PGGT1B: variants seen among roughly 807,000 people sequenced by gnomAD.
The protein encoded by PGGT1B is geranylgeranyl transferase type-1 subunit beta.
PGGT1B carries 30 observed loss-of-function variants against 46.1 expected under a neutral mutation model. The observed-to-expected ratio is 0.65, with a 90% CI of 0.49 to 0.88. The LOEUF (loss-of-function observed/expected upper bound fraction) is 0.88. Among genes scored for constraint, PGGT1B ranks in the 40% least tolerant of loss-of-function variants. The probability of loss-of-function intolerance (pLI) is 0.00; values close to 1 mark genes in which losing one functional copy is unlikely to be tolerated. For synonymous variants in PGGT1B, 170 were observed against 160.0 expected (o/e 1.06, Z -0.47); for missense variants, 376 against 455.9 (o/e 0.82, Z 1.60).
chr5:115,230,925 T>C, intron 6 of PGGT1B, 51 bp downstream of exon 6: 1 of 1,107,260 alleles, frequency 9.0e-7, no homozygotes, highest in Non-Finnish European at 1.4e-6. Flanking sequence ...ACCAAGATGT[T>C]GTCTAAGGGA....
rs563146314 is a variant in PGGT1B at position 115,235,156 on chromosome 5, T to C, written c.612+1234A>G. On this transcript the variant is annotated intron_variant, in intron 5 of 8. Transcript: ENST00000419445. ...CATGTCAAAAGGGCATAGAGCCTAC[T>C]AAAAGGGGTTCCACAGGCCTAATCT... is the stretch of plus-strand genomic sequence containing the variant. Among the ~76,000 whole-genome samples, 4 of 152,154 alleles carry C rather than the reference T, an allele frequency of 2.6e-5. No homozygotes were observed. The East Asian group carries it at 7.7e-4, about 29-fold the overall frequency.
At chr5:115,224,748 C>T (rs1381836816) in intron 6 of PGGT1B, among the ~76,000 whole-genome samples, 1 of 151,322 alleles carries the variant, frequency 6.6e-6, no homozygotes, top group East Asian at 1.9e-4. Context: ...GTGGTGTGCA[C>T]CTGTGGTCCT....
At chr5:115,220,344 A>C (rs563268187) in intron 7 of PGGT1B, among the ~76,000 whole-genome samples, 21 of 152,060 alleles carry the variant, frequency 1.4e-4, no homozygotes, top group African/African-American at 5.1e-4. Context: ...GAAATAAGCC[A>C]GAAACAGAAG....
intron 5 of PGGT1B, 22 bp downstream of exon 5, chr5:115,236,368 C>A: frequency 6.3e-7 from 1 of 1,579,662 alleles, no homozygotes; most frequent in Non-Finnish European, 8.6e-7. Context: ...CCTAAATAGT[C>A]AATTTTATCA....
At chr5:115,262,433 A>C (rs1198362072) in intron 1 of PGGT1B, 2 of 458,430 alleles carry the variant, frequency 4.4e-6, no homozygotes, top group Middle Eastern at 5.9e-4. Flanking sequence ...GTGACAGGCT[A>C]TGGGAGCGGG....
At chr5:115,254,372 C>T (rs186496263) in intron 1 of PGGT1B, among the ~76,000 whole-genome samples, 508 of 152,054 alleles carry the variant, frequency 3.3e-3, no homozygotes, top group Admixed American at 8.0e-3. Context: ...ATATGAAATT[C>T]ATTTAAATTT....
chr5:115,251,628 T>C (rs2127027709), intron 2 of PGGT1B, among the ~76,000 whole-genome samples: 1 of 152,218 alleles, frequency 6.6e-6, no homozygotes, highest in Non-Finnish European at 1.5e-5. Flanking sequence ...TTAAATGTTA[T>C]GGTCCATCCT....
At chr5:115,252,412 T>C (rs973904501) in intron 2 of PGGT1B, among the ~76,000 whole-genome samples, 22 of 152,114 alleles carry the variant, frequency 1.4e-4, no homozygotes, top group Admixed American at 7.2e-4. Context: ...CTGGATGAGA[T>C]TTACATATGA....
Position 115,241,589 on chromosome 5 carries a change from A to G in PGGT1B, c.277T>C (p.Cys93Arg). ...AGGTATGAAGAGCCTCGGAAACCACAGCGATTTAGATTTGATCCTAGAAAA... is the reference window on the plus strand; with the variant it reads ...AGGTATGAAGAGCCTCGGAAACCACGGCGATTTAGATTTGATCCTAGAAAA... Reference protein sequence around the residue: ...PTEDRSNLNRCGFRGSSYLGI... With the variant: ...PTEDRSNLNRRGFRGSSYLGI... The change falls in exon 3 of 9, where the codon TGT (cysteine) becomes CGT (arginine). Residue 93 changes from cysteine to arginine, a missense_variant. Physicochemically the swap from Cys to Arg is radical, Grantham distance 180 (BLOSUM62 -3). Coordinates refer to ENST00000419445, the MANE Select transcript of PGGT1B (RefSeq NM_005023.4). The G allele has an allele frequency of 6.2e-7, 1 of 1,608,696 alleles. No homozygotes were observed. Among genetic ancestry groups the G allele is most frequent in the Non-Finnish European group, 8.5e-7 (1 of 1,177,086 alleles).
chr5:115,212,078 TATA>T lies in PGGT1B; in HGVS notation c.*321_*323del, dbSNP rs984754451. ...TAAACTTGAAAATTTGTGTCCATTT[TATA>T]ATAAGATACAATTTGCACTGAAGAG... is the stretch of plus-strand genomic sequence containing the variant. On this transcript the variant is annotated 3_prime_UTR_variant, in exon 9 of 9. Transcript: ENST00000419445. 45 of 216,884 alleles carry T rather than the reference TATA, an allele frequency of 2.1e-4. No homozygotes were observed. The highest frequency in any genetic ancestry group is 5.7e-4 in the Admixed American group (11 of 19,206). The allele number at this position is 216,884 out of a possible 1,614,324, so 13.4% of individuals were successfully genotyped here.
At chr5:115,241,642 CT>C in intron 2 of PGGT1B, 36 bp from the exon 3 acceptor site, 1 of 1,493,502 alleles carries the variant, frequency 6.7e-7, no homozygotes, top group Non-Finnish European at 9.2e-7. Context: ...TTAAAGTACA[CT>C]TTATTTTTGC....
intron 6 of PGGT1B, among the ~76,000 whole-genome samples, chr5:115,226,443 T>A (rs753782668): frequency 1.1e-4 from 16 of 152,072 alleles, no homozygotes; most frequent in Non-Finnish European, 2.1e-4. Context: ...TCACTACATT[T>A]GATGATCACA....
chr5:115,256,075 C>G (rs1327548497), intron 1 of PGGT1B, among the ~76,000 whole-genome samples: 1 of 152,148 alleles, frequency 6.6e-6, no homozygotes, highest in Non-Finnish European at 1.5e-5. Flanking sequence ...AATGTGCAGG[C>G]AGGTTTCAGA....
At chr5:115,261,260 G>C (rs572890177) in intron 1 of PGGT1B, among the ~76,000 whole-genome samples, 37 of 152,208 alleles carry the variant, frequency 2.4e-4, no homozygotes, top group Non-Finnish European at 4.1e-4. Context: ...TCTGCTAATC[G>C]ATCAACACCT....
Position 115,210,350 on chromosome 5 carries a change from C to T in PGGT1B, c.*2052G>A, listed in dbSNP as rs1580737567. ...AAATATTGCTTATAATTTATTTAAT[C>T]GATAAATGCTTTTCTTGTAAATAAC... On this transcript the variant is annotated 3_prime_UTR_variant, in exon 9 of 9. Transcript: ENST00000419445. The T allele has an allele frequency of 2.0e-5, 3 of 151,956 alleles. No individual in the cohort carries two copies. Among genetic ancestry groups the T allele is most frequent in the East Asian group, 1.9e-4 (1 of 5,192 alleles). 9.4% of individuals were successfully genotyped at this position (151,956 alleles called of 1,614,324 possible). A position where few individuals can be genotyped will look rare whatever the true frequency, so the allele number is the denominator to read the frequency against.
chr5:115,233,063 C>G (rs1757047006), intron 5 of PGGT1B, among the ~76,000 whole-genome samples: 1 of 151,794 alleles, frequency 6.6e-6, no homozygotes, highest in African/African-American at 2.4e-5. Flanking sequence ...GAATTCTTAT[C>G]AGAAAAAATA....
At chr5:115,213,080 A>G (rs891673781) in intron 8 of PGGT1B, among the ~76,000 whole-genome samples, 1 of 152,194 alleles carries the variant, frequency 6.6e-6, no homozygotes, top group African/African-American at 2.4e-5. Flanking sequence ...CTATCCTAAC[A>G]TTGTGTTAAA....
rs972878588 is a variant in PGGT1B at position 115,204,710 on chromosome 5, G to C, written c.*7692C>G. ...GGCAGTAACTACCAATATTTTTAAA[G>C]CATAAATCCTTTAGTCCAGGAAATT... On this transcript the variant is annotated 3_prime_UTR_variant, in exon 9 of 9. Transcript: ENST00000419445. 2.0e-5 allele frequency: 3 copies of C among 152,068 alleles called. No homozygotes were observed. Among genetic ancestry groups the C allele is most frequent in the African/African-American group, 7.2e-5 (3 of 41,406 alleles). 9.4% of individuals were successfully genotyped at this position (152,068 alleles called of 1,614,324 possible).
Position 115,209,096 on chromosome 5 carries a change from A to G in PGGT1B, c.*3306T>C, listed in dbSNP as rs1426335726. ...ATGACTTCACAGCCTTAGAGCTCCC[A>G]TTTTCACAGTGATTTAAAAGAATAT... On this transcript the variant is annotated 3_prime_UTR_variant, in exon 9 of 9. Transcript: ENST00000419445. 3.9e-5 allele frequency: 6 copies of G among 151,922 alleles called. No individual in the cohort carries two copies. Among genetic ancestry groups the G allele is most frequent in the Admixed American group, 6.6e-5 (1 of 15,202 alleles). 9.4% of individuals were successfully genotyped at this position (151,922 alleles called of 1,614,324 possible).
Sources: allele counts gnomAD v4.1 joint callset (sites outside exome capture counted in the v4.1 genomes callset), GRCh38; gene constraint gnomAD v4.1.1; transcripts MANE v1.5; gene names NCBI Gene and HGNC (gene_info 2026-07-23, HGNC 2026-07-21).